PRKAR2A: variants seen among roughly 807,000 people sequenced by gnomAD.
The protein encoded by PRKAR2A is protein kinase cAMP-dependent type II regulatory subunit alpha.
In PRKAR2A, 29 loss-of-function variants were observed where a neutral mutation model predicts 51.9. The observed-to-expected ratio is 0.56, with a 90% CI of 0.42 to 0.76. The LOEUF is 0.76. Among genes scored for constraint, PRKAR2A ranks in the 30% least tolerant of loss-of-function variants. PRKAR2A has a pLI of 0.00. For synonymous variants in PRKAR2A, 178 were observed against 186.2 expected (o/e 0.96, Z 0.36); for missense variants, 445 against 512.1 (o/e 0.87, Z 1.26).
chr3:48,808,300 C>G (rs546792276), intron 1 of PRKAR2A, among the ~76,000 whole-genome samples: 1 of 152,300 alleles, frequency 6.6e-6, no homozygotes, highest in East Asian at 1.9e-4. Context: ...GTCGCCCAGG[C>G]TGGAGTGCAG....
At chr3:48,797,260 C>A (rs2082510940) in intron 2 of PRKAR2A, among the ~76,000 whole-genome samples, 1 of 151,998 alleles carries the variant, frequency 6.6e-6, no homozygotes, top group Admixed American at 6.6e-5. Context: ...ACTCTGCCTC[C>A]CAGGTTCAAG....
chr3:48,819,947 G>A (rs1445185886), intron 1 of PRKAR2A, among the ~76,000 whole-genome samples: 2 of 152,156 alleles, frequency 1.3e-5, no homozygotes, highest in African/African-American at 2.4e-5. Context: ...AAGTCCTTGT[G>A]GGACTTCACT....
chr3:48,768,992 C>A (rs192904978), intron 6 of PRKAR2A, among the ~76,000 whole-genome samples: 2 of 147,914 alleles, frequency 1.4e-5, no homozygotes, highest in African/African-American at 5.0e-5. Flanking sequence ...CCCAGCTATG[C>A]AGGAGGCTGA....
At chr3:48,752,034 A>G in intron 10 of PRKAR2A, 142 bp downstream of exon 10, 1 of 947,464 alleles carries the variant, frequency 1.1e-6, no homozygotes, top group Non-Finnish European at 1.5e-6. Context: ...GAAAGCATCC[A>G]TTCATCCATC....
intron 5 of PRKAR2A, among the ~76,000 whole-genome samples, chr3:48,777,073 G>A (rs1047795704): frequency 3.9e-5 from 6 of 152,030 alleles, no homozygotes; most frequent in African/African-American, 1.4e-4. Context: ...GGTGCTGACG[G>A]GGAGTTCAAT....
At position 48,816,018 on chromosome 3, in the gene PRKAR2A, C is replaced by CAA. The variant is rs748275352; in HGVS notation, c.263-8336_263-8335dup. ...TGGGTGACAGTGCGAGACTCCATCTCAAAAAAAAAAAAAAAAAAAAAGAAG... is the reference window on the plus strand; with the variant it reads ...TGGGTGACAGTGCGAGACTCCATCTCAAAAAAAAAAAAAAAAAAAAAAAGAAG... On this transcript the variant is annotated intron_variant, in intron 1 of 10. Transcript: ENST00000265563. Among the ~76,000 whole-genome samples, 58 of 51,418 alleles carry CAA rather than the reference C, an allele frequency of 1.1e-3. 2 individuals are homozygous for CAA. The highest frequency in any genetic ancestry group is 7.7e-3 in the East Asian group (20 of 2,600). 33.7% of individuals were successfully genotyped at this position (51,418 alleles called of 152,430 possible).
chr3:48,811,296 G>A (rs990830657), intron 1 of PRKAR2A, among the ~76,000 whole-genome samples: 8 of 152,224 alleles, frequency 5.3e-5, no homozygotes, highest in East Asian at 1.9e-4. Context: ...ATAAGACCTC[G>A]TCTCTACAAA....
intron 1 of PRKAR2A, among the ~76,000 whole-genome samples, chr3:48,836,385 C>A (rs1262503812): frequency 2.2e-5 from 3 of 136,106 alleles, no homozygotes; most frequent in African/African-American, 8.6e-5. Context: ...TGCCATTGTG[C>A]ACTCCAGCCT....
intron 2 of PRKAR2A, among the ~76,000 whole-genome samples, chr3:48,795,781 T>A (rs2082481952): frequency 6.6e-6 from 1 of 151,902 alleles, no homozygotes; most frequent in African/African-American, 2.4e-5. Flanking sequence ...GTGATCCATC[T>A]GCCTTGGCCT....
In PRKAR2A at chr3:48,751,669, G is replaced by A. The variant is rs35294366; in HGVS notation, c.1131C>T (p.Ile377=). The A allele has an allele frequency of 4.8e-4, 780 of 1,613,990 alleles. 6 individuals carry two copies. In the African/African-American group the frequency reaches 8.9e-3, roughly 18 times the overall value. Residue 377 remains isoleucine, a synonymous_variant, in exon 11 of 11, where the codon ATC becomes ATT. Transcript: ENST00000265563. ...CATAGTGTGAGATGTTCCTCTTCAT[G>A]ATGTCCATGCAGGGCCCCAGAAGCC... ...FERLLGPCMD[I]MKRNISHYEE...
At chr3:48,770,240 G>C (rs2082009755) in intron 6 of PRKAR2A, among the ~76,000 whole-genome samples, 1 of 152,170 alleles carries the variant, frequency 6.6e-6, no homozygotes, top group African/African-American at 2.4e-5. Context: ...CCCACAGGCA[G>C]CAAGTGGTCA....
chr3:48,838,328 C>G (rs561404151), intron 1 of PRKAR2A, among the ~76,000 whole-genome samples: 4 of 151,422 alleles, frequency 2.6e-5, no homozygotes, highest in East Asian at 3.9e-4. Context: ...GTATGGTGAC[C>G]GGGCGCAGTG....
intron 2 of PRKAR2A, among the ~76,000 whole-genome samples, chr3:48,801,605 T>C (rs2082591918): frequency 6.6e-6 from 1 of 152,116 alleles, no homozygotes; most frequent in Non-Finnish European, 1.5e-5. Flanking sequence ...TATTTTATTT[T>C]GTTTTATTTT....
chr3:48,793,772 G>A (rs1252796341), intron 3 of PRKAR2A, among the ~76,000 whole-genome samples: 1 of 152,158 alleles, frequency 6.6e-6, no homozygotes, highest in East Asian at 1.9e-4. Context: ...GATTACAGGT[G>A]TGAGCCACCA....
chr3:48,811,821 A>T (rs2082775684), intron 1 of PRKAR2A, among the ~76,000 whole-genome samples: 1 of 151,170 alleles, frequency 6.6e-6, no homozygotes, highest in African/African-American at 2.4e-5. Context: ...CACCTCAATT[A>T]AAAAAAAAGG....
chr3:48,799,364 G>C lies in PRKAR2A; in HGVS notation c.299-5315C>G, dbSNP rs148217706. Among the ~76,000 whole-genome samples the C allele has an allele frequency of 3.8e-3, 576 of 152,230 alleles. 1 individual carries two copies. The highest frequency in any genetic ancestry group is 6.2e-3 in the South Asian group (30 of 4,826). ...GAAGGACATCAGTCCTATTAGATTA[G>C]GGTTCTACCCTATGACCTCATTTCA... On this transcript the variant is annotated intron_variant, in intron 2 of 10. Transcript: ENST00000265563.
At chr3:48,836,858 A>G (rs1308061687) in intron 1 of PRKAR2A, among the ~76,000 whole-genome samples, 1 of 152,006 alleles carries the variant, frequency 6.6e-6, no homozygotes, top group East Asian at 1.9e-4. Flanking sequence ...GAGGCCAGGC[A>G]CATTGGCTCA....
intron 6 of PRKAR2A, among the ~76,000 whole-genome samples, chr3:48,769,157 C>CTTTTTTTTTTTTTTTTTTTT: frequency 7.3e-6 from 1 of 136,282 alleles, no homozygotes; most frequent in Non-Finnish European, 1.5e-5. Context: ...AAATATCTTT[C>CTTTTTTTTTTTTTTTTTTTT]TTTTTTTTTT....
chr3:48,753,301 T>G (rs138532821), intron 9 of PRKAR2A, among the ~76,000 whole-genome samples: 1 of 152,160 alleles, frequency 6.6e-6, no homozygotes, highest in East Asian at 1.9e-4. Context: ...AGGTTTTTTT[T>G]TTTAACAAAT....
Sources: allele counts gnomAD v4.1 joint callset (sites outside exome capture counted in the v4.1 genomes callset), GRCh38; gene constraint gnomAD v4.1.1; transcripts MANE v1.5; gene names NCBI Gene and HGNC (gene_info 2026-07-23, HGNC 2026-07-21).